The following CNP variants were observed in gnomAD, a reference collection of about 807,000 sequenced individuals.
The protein encoded by CNP is 2',3'-cyclic-nucleotide 3'-phosphodiesterase.
A neutral mutation model predicts 37.9 loss-of-function variants in CNP; 8 were observed. The observed-to-expected ratio is 0.21, with a 90% CI of 0.12 to 0.38. The LOEUF is 0.38. Among genes scored for constraint, CNP ranks in the 10% least tolerant of loss-of-function variants. CNP has a pLI of 1.00. For synonymous variants in CNP, 237 were observed against 238.3 expected (o/e 0.99, Z 0.05); for missense variants, 457 against 551.0 (o/e 0.83, Z 1.71).
At chr17:41,967,496 A>T in intron 1 of CNP, 1 of 200,302 alleles carries the variant, frequency 5.0e-6, no homozygotes, top group Non-Finnish European at 9.0e-6. Flanking sequence ...GGGAGAGGGT[A>T]GAGGAGGAGG....
At chr17:41,973,357 C>A in intron 3 of CNP, 118 bp from the exon 4 acceptor site, 1 of 954,784 alleles carries the variant, frequency 1.0e-6, no homozygotes, top group Non-Finnish European at 1.6e-6. Context: ...CCCTGCTCAG[C>A]TGTGCTCACT....
At position 41,973,544 on chromosome 17, in the gene CNP, A is replaced by G; in HGVS notation, c.886A>G (p.Thr296Ala). ...ISALFVTPKT[T>A]GARVELSEQQ... The stretch of plus-strand genomic sequence containing the variant: ...TGCCCTCTTTGTGACACCCAAGACG[A>G]CTGGGGCCCGGGTGGAGTTAAGCGA... Residue 296 changes from threonine to alanine, a missense_variant, in exon 4 of 4, where the codon ACT becomes GCT. Transcript: ENST00000393892. 1 of 1,614,160 alleles carries G rather than the reference A, an allele frequency of 6.2e-7. No homozygotes were observed. Among genetic ancestry groups the G allele is most frequent in the Non-Finnish European group, 8.5e-7 (1 of 1,180,042 alleles).
In CNP at chr17:41,976,967, C is replaced by A; in HGVS notation, c.*3043C>A. On this transcript the variant is annotated 3_prime_UTR_variant, in exon 4 of 4. Coordinates refer to ENST00000393892, the MANE Select transcript of CNP (RefSeq NM_033133.5). ...GTATTATACATGGGTAGCTTCTGAC[C>A]TCAGCATTATCTATATAGTACCTTT... 1.5e-6 allele frequency: 1 copy of A among 675,108 alleles called. No individual in the cohort carries two copies. Among genetic ancestry groups the A allele is most frequent in the Non-Finnish European group, 2.5e-6 (1 of 404,766 alleles). 41.8% of individuals were successfully genotyped at this position (675,108 alleles called of 1,614,324 possible). A position where few individuals can be genotyped will look rare whatever the true frequency, so the allele number is the denominator to read the frequency against.
In CNP at chr17:41,966,834, C is replaced by G; in HGVS notation, c.-51C>G. On this transcript the variant is annotated 5_prime_UTR_variant, in exon 1 of 4. Coordinates refer to ENST00000393892, the MANE Select transcript of CNP (RefSeq NM_033133.5). ...GTGTCCCTCCGCGCAGGCGGGCGGC[C>G]CCGGAGCGCTGGTGCCGGCAGAGGC... 7.3e-7 allele frequency: 1 copy of G among 1,376,970 alleles called. No individual in the cohort carries two copies. 85.3% of individuals were successfully genotyped at this position (1,376,970 alleles called of 1,614,324 possible).
In CNP at chr17:41,968,048, C is replaced by T. The variant is rs1555643170; in HGVS notation, c.4-20C>T. 2 of 1,596,136 alleles carry T rather than the reference C, an allele frequency of 1.3e-6. No homozygotes were observed. The highest frequency in any genetic ancestry group is 1.1e-5 in the South Asian group (1 of 88,520). On this transcript the variant is annotated intron_variant, in intron 1 of 3. Coordinates refer to ENST00000393892, the MANE Select transcript of CNP (RefSeq NM_033133.5). This position sits in a 1 kb window ranked among gnomAD's most constrained non-coding sequence, Gnocchi z 4.8. The stretch of plus-strand genomic sequence containing the variant: ...GCCCGCGAATGACCTGGGCTGACAT[C>T]TCTTCCCCTCCTTACACAGAACAGA...
At position 41,968,867 on chromosome 17, in the gene CNP, C is replaced by CG; in HGVS notation, c.676+132dup. ...GGAGGCAGAGAGAGGCTCACCTCAG[C>CG]GGGGGCAGGGGCAAGCGGTGCGTCC... On this transcript the variant is annotated intron_variant, in intron 2 of 3. Transcript: ENST00000393892. The surrounding 1 kb of genome is among the most constrained non-coding windows in gnomAD (Gnocchi z 4.8). The CG allele has an allele frequency of 2.6e-6, 3 of 1,157,158 alleles. No individual in the cohort carries two copies. The highest frequency in any genetic ancestry group is 3.3e-5 in the South Asian group (2 of 61,196). The allele number at this position is 1,157,158 out of a possible 1,614,324, so 71.7% of individuals were successfully genotyped here. A position where few individuals can be genotyped will look rare whatever the true frequency, so the allele number is the denominator to read the frequency against.
At chr17:41,970,057 G>T (rs2050962744) in intron 2 of CNP, among the ~76,000 whole-genome samples, 1 of 152,120 alleles carries the variant, frequency 6.6e-6, no homozygotes, top group Admixed American at 6.5e-5. Context: ...GTACCTGTGA[G>T]CTGGTGGCTC....
chr17:41,968,196 C>A lies in CNP; in HGVS notation c.132C>A (p.Ala44=). 6.2e-7 allele frequency: 1 copy of A among 1,614,200 alleles called. No homozygotes were observed. Among genetic ancestry groups the A allele is most frequent in the Non-Finnish European group, 8.5e-7 (1 of 1,180,040 alleles). The change falls in exon 2 of 4, where the codon GCC becomes GCA. Residue 44 remains alanine, a synonymous_variant. Coordinates refer to ENST00000393892, the MANE Select transcript of CNP (RefSeq NM_033133.5). This position sits in a 1 kb window ranked among gnomAD's most constrained non-coding sequence, Gnocchi z 4.8. ...TCCTTCAGGATGAGGACACAGTGGC[C>A]ACGCTGCTAGAGTGCAAGACGCTCT... ...FPFLQDEDTV[A]TLLECKTLFI...
chr17:41,972,056 G>C (rs1045677886), intron 3 of CNP, 25 bp downstream of exon 3: 1 of 1,610,514 alleles, frequency 6.2e-7, no homozygotes, highest in Non-Finnish European at 8.5e-7. Context: ...GGGACACATG[G>C]GGGAGGTGGG....
At chr17:41,972,417 C>T (rs2051003646) in intron 3 of CNP, among the ~76,000 whole-genome samples, 1 of 152,154 alleles carries the variant, frequency 6.6e-6, no homozygotes, top group Admixed American at 6.5e-5. Context: ...CATCCCTGTC[C>T]CCAGGTCTGA....
chr17:41,974,063 T>A lies in CNP; in HGVS notation c.*139T>A. The A allele has an allele frequency of 2.8e-6, 2 of 715,508 alleles. No individual in the cohort carries two copies. The highest frequency in any genetic ancestry group is 4.1e-6 in the Non-Finnish European group (2 of 487,942). 44.3% of individuals were successfully genotyped at this position (715,508 alleles called of 1,614,324 possible). ...CTACCTGTAACTTTTTAAAAACTTG[T>A]AAAATAACTGACCCTCCCTTCCTGT... On this transcript the variant is annotated 3_prime_UTR_variant, in exon 4 of 4. Transcript: ENST00000393892.
At position 41,977,287 on chromosome 17, in the gene CNP, C is replaced by T; in HGVS notation, c.*3363C>T. The T allele has an allele frequency of 6.3e-7, 1 of 1,585,216 alleles. No homozygotes were observed. The highest frequency in any genetic ancestry group is 8.6e-7 in the Non-Finnish European group (1 of 1,165,822). On this transcript the variant is annotated 3_prime_UTR_variant, in exon 4 of 4. Coordinates refer to ENST00000393892, the MANE Select transcript of CNP (RefSeq NM_033133.5). ...TTCAAAGCTGAAGCCGCCAGGACCG[C>T]CAAAGAATGCCTTGAAGATATTGTT...
chr17:41,972,161 TCTC>T (rs1477040924), intron 3 of CNP, 130 bp downstream of exon 3: 2 of 1,131,316 alleles, frequency 1.8e-6, no homozygotes, highest in Admixed American at 2.2e-5. Context: ...AAAAATGGCA[TCTC>T]CTCCTCCTAG....
Position 41,977,409 on chromosome 17 carries a change from A to C in CNP, c.*3485A>C. The stretch of plus-strand genomic sequence containing the variant: ...AGAGAACTGATGACACTGAGAACAG[A>C]TCTCCAAAGCTTTCCTGGAGAGTCT... On this transcript the variant is annotated 3_prime_UTR_variant, in exon 4 of 4. Coordinates refer to ENST00000393892, the MANE Select transcript of CNP (RefSeq NM_033133.5). The C allele has an allele frequency of 8.0e-7, 1 of 1,249,218 alleles. No individual in the cohort carries two copies. The highest frequency in any genetic ancestry group is 1.1e-6 in the Non-Finnish European group (1 of 878,436). 77.4% of individuals were successfully genotyped at this position (1,249,218 alleles called of 1,614,324 possible).
chr17:41,972,968 C>T (rs1041108728), intron 3 of CNP, among the ~76,000 whole-genome samples: 4 of 152,164 alleles, frequency 2.6e-5, no homozygotes, highest in South Asian at 2.1e-4. Flanking sequence ...CCATCAAGGG[C>T]GAGTCTGACC....
Position 41,977,347 on chromosome 17 carries a change from G to A in CNP, c.*3423G>A. 1 of 1,562,124 alleles carries A rather than the reference G, an allele frequency of 6.4e-7. No individual in the cohort carries two copies. Reference sequence around the variant, plus strand: ...ATCTGTAGAGCAGGGCAAGTAACATGGAAGGGAAGAAAAGGTGAAAAATTA... The same window carrying A: ...ATCTGTAGAGCAGGGCAAGTAACATAGAAGGGAAGAAAAGGTGAAAAATTA... On this transcript the variant is annotated 3_prime_UTR_variant, in exon 4 of 4. Transcript: ENST00000393892.
chr17:41,966,911 C>T, intron 1 of CNP, 24 bp downstream of exon 1: 3 of 1,320,490 alleles, frequency 2.3e-6, no homozygotes, highest in Non-Finnish European at 2.9e-6. Context: ...CGGGGCCGGG[C>T]ACGGGGTAGC....
In CNP at chr17:41,977,616, C is replaced by T. The variant is rs1350801285; in HGVS notation, c.*3692C>T. On this transcript the variant is annotated 3_prime_UTR_variant, in exon 4 of 4. Coordinates refer to ENST00000393892, the MANE Select transcript of CNP (RefSeq NM_033133.5). ...GGCTGTTTTCTCAACAAATGGAATGCCATTTGCACTTACACAAGACTTTCC... is the reference window on the plus strand; with the variant it reads ...GGCTGTTTTCTCAACAAATGGAATGTCATTTGCACTTACACAAGACTTTCC... 3 of 283,444 alleles carry T rather than the reference C, an allele frequency of 1.1e-5. No homozygotes were observed. Among genetic ancestry groups the T allele is most frequent in the Non-Finnish European group, 2.0e-5 (3 of 149,840 alleles). The allele number at this position is 283,444 out of a possible 1,614,324, so 17.6% of individuals were successfully genotyped here. A position where few individuals can be genotyped will look rare whatever the true frequency, so the allele number is the denominator to read the frequency against.
chr17:41,968,783 A>ACAG lies in CNP; in HGVS notation c.676+44_676+46dup. The ACAG allele has an allele frequency of 6.4e-7, 1 of 1,554,902 alleles. No individual in the cohort carries two copies. ...GCCTTATAAGCCCACCTTGCTGGGCACAGGGTGCTGCGGGCAAAGGACCAT... is the reference window on the plus strand; with the variant it reads ...GCCTTATAAGCCCACCTTGCTGGGCACAGCAGGGTGCTGCGGGCAAAGGACCAT... On this transcript the variant is annotated intron_variant, in intron 2 of 3. Coordinates refer to ENST00000393892, the MANE Select transcript of CNP (RefSeq NM_033133.5). The surrounding 1 kb of genome is among the most constrained non-coding windows in gnomAD (Gnocchi z 4.8).
Sources: allele counts gnomAD v4.1 joint callset (sites outside exome capture counted in the v4.1 genomes callset), GRCh38; gene constraint gnomAD v4.1.1; non-coding constraint Gnocchi (gnomAD v3.1); transcripts MANE v1.5; gene names NCBI Gene and HGNC (gene_info 2026-07-23, HGNC 2026-07-21).